Variants in SPANXN1 observed in about 807,000 individuals in gnomAD.
SPANXN1 encodes the protein sperm protein associated with the nucleus on the X chromosome N1.
SPANXN1 carries 1 observed loss-of-function variant against 2.0 expected under a neutral mutation model. The ratio of observed to expected loss-of-function variants is 0.50; its 90% CI spans 0.18 to 2.36. The LOEUF is 2.36. Ranked by LOEUF, SPANXN1 falls within the 30% of genes most tolerant of loss-of-function variation. The probability of loss-of-function intolerance (pLI) is 0.26; values close to 1 mark genes in which losing one functional copy is unlikely to be tolerated. For missense variants in SPANXN1, 55 were observed against 51.8 expected, an observed-to-expected ratio of 1.06 and a Z score of -0.19; for synonymous variants, 27 against 21.3, an observed-to-expected ratio of 1.27 and a Z score of -0.74.
In SPANXN1 at chrX:145,247,722, C is replaced by T. The variant is rs142622841; in HGVS notation, c.75+61C>T. 2.0e-3 allele frequency: 2,211 copies of T among 1,104,162 alleles called. 22 individuals carry two copies. The East Asian group carries it at 0.055, about 27-fold the overall frequency. 91.0% of individuals were successfully genotyped at this position (1,104,162 alleles called of 1,213,427 possible). On this transcript the variant is annotated intron_variant, in intron 1 of 1. Transcript: ENST00000370493. ...GAAAGAAAGACACACAGAGAAGGGA[C>T]GGCTCAAACAGCAACACAGGAATAT...
At position 145,247,615 on chromosome X, in the gene SPANXN1, G is replaced by A. The variant is rs376051189; in HGVS notation, c.29G>A (p.Gly10Glu). The stretch of plus-strand genomic sequence containing the variant: ...GAACAGCCCACTTCAAGCATCAATG[G>A]GGAGAAGAGGAAGAGCCCCTGTGAA... The part of the protein sequence containing the change: MEQPTSSIN[G>E]EKRKSPCESN... Residue 10 changes from glycine to glutamate, a missense_variant, in exon 1 of 2, where the codon GGG (glycine) becomes GAG (glutamate). Transcript: ENST00000370493. 39 of 1,208,888 alleles carry A rather than the reference G, an allele frequency of 3.2e-5. No individual in the cohort carries two copies. Among genetic ancestry groups the A allele is most frequent in the Non-Finnish European group, 4.1e-5 (37 of 894,602 alleles).
At chrX:145,252,156 G>A (rs1556882580) in intron 1 of SPANXN1, among the ~76,000 whole-genome samples, 1 of 111,774 alleles carries the variant, frequency 8.9e-6, no homozygotes, top group African/African-American at 3.3e-5. Flanking sequence ...AATAGATGGG[G>A]GCTATCCTGG....
chrX:145,248,898 C>T (rs1216020754), intron 1 of SPANXN1, among the ~76,000 whole-genome samples: 4 of 111,424 alleles, frequency 3.6e-5, no homozygotes, highest in African/African-American at 9.8e-5. Context: ...TTCCAGGGAG[C>T]GCCCTTGAGT....
chrX:145,255,032 A>G (rs2070802694), intron 1 of SPANXN1, among the ~76,000 whole-genome samples: 1 of 111,422 alleles, frequency 9.0e-6, no homozygotes, highest in Non-Finnish European at 1.9e-5. Context: ...TGACACCAAA[A>G]TGTCAGGTTT....
In SPANXN1 at chrX:145,247,771, G is replaced by A. The variant is rs112625349; in HGVS notation, c.75+110G>A. ...ATTGCAGACACCTGTGGAAGTGGGA[G>A]ACCCGCTTAATGCCAGAGCCCACCG... is the stretch of plus-strand genomic sequence containing the variant. On this transcript the variant is annotated intron_variant, in intron 1 of 1. Transcript: ENST00000370493. 1,053 of 923,472 alleles carry A rather than the reference G, an allele frequency of 1.1e-3. 4 individuals are homozygous for A. The African/African-American group carries it at 0.018, about 16-fold the overall frequency. 76.1% of individuals were successfully genotyped at this position (923,472 alleles called of 1,213,427 possible).
Position 145,255,691 on chromosome X carries a change from G to A in SPANXN1, c.96G>A (p.Arg32=), listed in dbSNP as rs782341082. Residue 32 remains arginine, a synonymous_variant, in exon 2 of 2, where the codon AGG becomes AGA. Coordinates refer to ENST00000370493, the MANE Select transcript of SPANXN1 (RefSeq NM_001009614.3). ...AACAGATGCAGGAGACACCAAACAG[G>A]GACTTAGCCCCCGAACCGAGTTTGA... ...ENDEMQETPN[R]DLAPEPSLKK... 2.5e-6 allele frequency: 3 copies of A among 1,211,654 alleles called. No homozygotes were observed. The highest frequency in any genetic ancestry group is 2.2e-6 in the Non-Finnish European group (2 of 895,501).
In SPANXN1 at chrX:145,253,212, G is replaced by T. The variant is rs150717015; in HGVS notation, c.76-2459G>T. ...TAGGGTAGGCTTTTTCCCAGTGTCCGTGTTGGACGCACTTATAACAGGCTC... is the reference window on the plus strand; with the variant it reads ...TAGGGTAGGCTTTTTCCCAGTGTCCTTGTTGGACGCACTTATAACAGGCTC... On this transcript the variant is annotated intron_variant, in intron 1 of 1. Transcript: ENST00000370493. Among the ~76,000 whole-genome samples, 944 of 111,030 alleles carry T rather than the reference G, an allele frequency of 8.5e-3. 14 individuals are homozygous for T. The highest frequency in any genetic ancestry group is 0.03 in the African/African-American group (911 of 30,493).
intron 1 of SPANXN1, among the ~76,000 whole-genome samples, chrX:145,254,670 T>C (rs1556882878): frequency 8.9e-6 from 1 of 111,963 alleles, no homozygotes; most frequent in Non-Finnish European, 1.9e-5. Flanking sequence ...CAGCACTTGA[T>C]TGTTTTTTGG....
Position 145,253,182 on chromosome X carries a change from G to T in SPANXN1, c.76-2489G>T, listed in dbSNP as rs782246515. Among the ~76,000 whole-genome samples, 8 of 111,036 alleles carry T rather than the reference G, an allele frequency of 7.2e-5. No homozygotes were observed. In the South Asian group the frequency reaches 1.2e-3, roughly 16 times the overall value. On this transcript the variant is annotated intron_variant, in intron 1 of 1. Transcript: ENST00000370493. ...TGGGGCAAGGTTTCCAGAATGTCCT[G>T]GGATTAGGGTAGGCTTTTTCCCAGT...
intron 1 of SPANXN1, among the ~76,000 whole-genome samples, chrX:145,248,768 G>A (rs1460742359): frequency 2.2e-4 from 25 of 111,621 alleles, no homozygotes; most frequent in Non-Finnish European, 2.8e-4. Context: ...GGTGGAGGAG[G>A]TGAAGGCTGC....
chrX:145,252,710 C>T (rs1569480077), intron 1 of SPANXN1, among the ~76,000 whole-genome samples: 1 of 109,511 alleles, frequency 9.1e-6, no homozygotes, highest in Admixed American at 9.8e-5. Flanking sequence ...GTTTGGGTGT[C>T]AGAGTAAAAT....
chrX:145,255,759 G>A lies in SPANXN1; in HGVS notation c.164G>A (p.Cys55Tyr). ...TSEYSTVLAFCYRKAKKIHSN... is the reference protein window; with the variant it reads ...TSEYSTVLAFYYRKAKKIHSN... ...GAATATTCAACAGTATTAGCGTTTTGCTACAGGAAAGCTAAGAAAATACAT... is the reference window on the plus strand; with the variant it reads ...GAATATTCAACAGTATTAGCGTTTTACTACAGGAAAGCTAAGAAAATACAT... The change falls in exon 2 of 2, where the codon TGC becomes TAC. Residue 55 changes from cysteine to tyrosine, a missense_variant. Coordinates refer to ENST00000370493, the MANE Select transcript of SPANXN1 (RefSeq NM_001009614.3). The A allele has an allele frequency of 5.8e-6, 7 of 1,212,103 alleles. 1 individual carries two copies. Among genetic ancestry groups the A allele is most frequent in the Non-Finnish European group, 6.7e-6 (6 of 895,589 alleles).
intron 1 of SPANXN1, among the ~76,000 whole-genome samples, 155 bp downstream of exon 1, chrX:145,247,816 C>T (rs2070768246): frequency 8.9e-6 from 1 of 112,425 alleles, no homozygotes; most frequent in East Asian, 2.8e-4. Context: ...GCCTGGGGTG[C>T]TTGTAGGTAG....
intron 1 of SPANXN1, among the ~76,000 whole-genome samples, chrX:145,249,788 G>C (rs1276447049): frequency 2.7e-5 from 3 of 111,127 alleles, no homozygotes; most frequent in Non-Finnish European, 5.7e-5. Flanking sequence ...CCTGGTTGTA[G>C]GGACAGGGAG....
intron 1 of SPANXN1, among the ~76,000 whole-genome samples, chrX:145,253,572 G>C (rs1162713028): frequency 9.0e-6 from 1 of 110,989 alleles, no homozygotes; most frequent in Admixed American, 9.6e-5. Flanking sequence ...AAAAGATCAG[G>C]GGCGATATTA....
At chrX:145,247,985 G>A (rs4827632) in intron 1 of SPANXN1, among the ~76,000 whole-genome samples, 36,356 of 109,495 alleles carry the variant, frequency 0.33, 4,422 homozygotes, top group East Asian at 0.75. Flanking sequence ...TCTTTAGTTG[G>A]ACCTTTGTCC....
intron 1 of SPANXN1, among the ~76,000 whole-genome samples, chrX:145,250,742 G>A (rs1556882415): frequency 9.0e-6 from 1 of 111,454 alleles, no homozygotes; most frequent in African/African-American, 3.3e-5. Flanking sequence ...CTGCCTGCCA[G>A]GCTGCCAAAT....
rs142320826 is a variant in SPANXN1 at position 145,255,451 on chromosome X, G to T, written c.76-220G>T. Among the ~76,000 whole-genome samples the T allele has an allele frequency of 3.3e-3, 362 of 111,202 alleles. 1 individual carries two copies. The highest frequency in any genetic ancestry group is 0.011 in the African/African-American group (341 of 30,456). ...TGACCAAGGTCTGCAAAATGGCAAA[G>T]AACTTACAAAATGGTGCACTTTGGA... On this transcript the variant is annotated intron_variant, in intron 1 of 1. Transcript: ENST00000370493.
chrX:145,247,631 C>A lies in SPANXN1; in HGVS notation c.45C>A (p.Ser15Arg). Residue 15 changes from serine to arginine, a missense_variant, in exon 1 of 2, where the codon AGC (serine) becomes AGA (arginine). Physicochemically the swap from Ser to Arg is moderately radical, Grantham distance 110. Transcript: ENST00000370493. The stretch of plus-strand genomic sequence containing the variant: ...GCATCAATGGGGAGAAGAGGAAGAG[C>A]CCCTGTGAATCCAACAATGAAAATG... ...TSSINGEKRK[S>R]PCESNNENDE... 1 of 1,209,980 alleles carries A rather than the reference C, an allele frequency of 8.3e-7. No homozygotes were observed. The highest frequency in any genetic ancestry group is 1.1e-6 in the Non-Finnish European group (1 of 894,403).
Sources: gnomAD v4.1 joint callset for allele counts (sites outside exome capture counted in the v4.1 genomes callset) on GRCh38, gnomAD v4.1.1 for gene constraint, MANE v1.5 for transcripts, NCBI Gene and HGNC (gene_info 2026-07-23, HGNC 2026-07-21) for gene names.